The following RALYL variants were observed in gnomAD, a reference collection of about 807,000 sequenced individuals.
RALYL encodes the protein RNA-binding Raly-like protein.
Under a neutral mutation model 35.1 loss-of-function variants are expected in RALYL, and 29 were observed. The observed-to-expected ratio is 0.83, with a 90% CI of 0.61 to 1.13. The LOEUF (loss-of-function observed/expected upper bound fraction) is 1.13. Among genes scored for constraint, RALYL ranks in the 50% most tolerant of loss-of-function variants. RALYL has a pLI of 0.00. For synonymous variants in RALYL, 120 were observed against 127.6 expected (o/e 0.94, Z 0.40); for missense variants, 359 against 360.4 (o/e 1.00, Z 0.03).
intron 2 of RALYL, among the ~76,000 whole-genome samples, chr8:84,704,686 C>A (rs1317529991): frequency 3.9e-5 from 6 of 152,118 alleles, no homozygotes; most frequent in Non-Finnish European, 1.5e-5. Context: ...CCATAGGGGT[C>A]TTTGACAAAC....
intron 4 of RALYL, among the ~76,000 whole-genome samples, chr8:84,841,397 C>A (rs1408127951): frequency 1.3e-5 from 2 of 152,154 alleles, no homozygotes; most frequent in Non-Finnish European, 2.9e-5. Flanking sequence ...GTAAAGGGAT[C>A]AATTCAACAA....
At chr8:84,435,328 C>A (rs552032056) in intron 1 of RALYL, among the ~76,000 whole-genome samples, 3 of 152,218 alleles carry the variant, frequency 2.0e-5, no homozygotes, top group African/African-American at 7.2e-5. Flanking sequence ...ATAGACATAA[C>A]ATAACATTAT....
Position 84,722,283 on chromosome 8 carries a change from T to A in RALYL, c.257-52296T>A, listed in dbSNP as rs571463071. On this transcript the variant is annotated intron_variant, in intron 2 of 8. Transcript: ENST00000521268. ...ATTTTATATTCTGGACTTGGTAATTTAAAAAAAAAGATAAAATTGTTAAAA... is the reference window on the plus strand; with the variant it reads ...ATTTTATATTCTGGACTTGGTAATTAAAAAAAAAAGATAAAATTGTTAAAA... Among the ~76,000 whole-genome samples the A allele has an allele frequency of 4.0e-3, 610 of 151,066 alleles. 4 individuals carry two copies. Among genetic ancestry groups the A allele is most frequent in the Non-Finnish European group, 4.5e-3 (305 of 67,720 alleles).
At chr8:84,822,115 A>G (rs1165009701) in intron 4 of RALYL, among the ~76,000 whole-genome samples, 2 of 152,192 alleles carry the variant, frequency 1.3e-5, no homozygotes, top group Non-Finnish European at 2.9e-5. Flanking sequence ...TCTTCCAGAT[A>G]CTGGCTAAAT....
At chr8:84,874,731 C>T (rs1389753659) in intron 7 of RALYL, among the ~76,000 whole-genome samples, 1 of 152,190 alleles carries the variant, frequency 6.6e-6, no homozygotes, top group Non-Finnish European at 1.5e-5. Flanking sequence ...TGGTTCAAAT[C>T]GCTGTATACC....
At chr8:84,465,992 TG>T (rs2051560666) in intron 1 of RALYL, among the ~76,000 whole-genome samples, 1 of 43,862 alleles carries the variant, frequency 2.3e-5, no homozygotes, top group Non-Finnish European at 4.4e-5. Context: ...ACATTGATTT[TG>T]TATCCTGAGA....
chr8:84,733,649 T>C (rs1056410994), intron 2 of RALYL, among the ~76,000 whole-genome samples: 1 of 152,184 alleles, frequency 6.6e-6, no homozygotes, highest in Non-Finnish European at 1.5e-5. Context: ...CCAGAAAATT[T>C]GAATCCCTCC....
chr8:84,261,529 C>T (rs906364699), intron 1 of RALYL, among the ~76,000 whole-genome samples: 1 of 152,144 alleles, frequency 6.6e-6, no homozygotes, highest in Non-Finnish European at 1.5e-5. Flanking sequence ...CTAAGGCCTC[C>T]CCAGCCCTGC....
At chr8:84,841,652 C>G (rs1199969468) in intron 4 of RALYL, among the ~76,000 whole-genome samples, 1 of 152,190 alleles carries the variant, frequency 6.6e-6, no homozygotes, top group Non-Finnish European at 1.5e-5. Flanking sequence ...TACCCCAAAT[C>G]AACAGAATAT....
At chr8:84,842,078 A>G (rs1833524325) in intron 4 of RALYL, among the ~76,000 whole-genome samples, 1 of 152,240 alleles carries the variant, frequency 6.6e-6, no homozygotes, top group Non-Finnish European at 1.5e-5. Flanking sequence ...AAGAGCAAAC[A>G]CATTCAAAAG....
At chr8:84,449,773 T>C (rs2049250685) in intron 1 of RALYL, among the ~76,000 whole-genome samples, 1 of 152,076 alleles carries the variant, frequency 6.6e-6, no homozygotes, top group South Asian at 2.1e-4. Context: ...ATTGTATTCC[T>C]CTCATCTAAT....
At chr8:84,362,355 A>G (rs1045191601) in intron 1 of RALYL, among the ~76,000 whole-genome samples, 1 of 152,118 alleles carries the variant, frequency 6.6e-6, no homozygotes, top group African/African-American at 2.4e-5. Context: ...TGAGTTGGGC[A>G]ATTTTTCTTA....
At chr8:84,518,265 C>G (rs942025535) in intron 1 of RALYL, among the ~76,000 whole-genome samples, 1 of 152,114 alleles carries the variant, frequency 6.6e-6, no homozygotes, top group Non-Finnish European at 1.5e-5. Flanking sequence ...AGAGAAAAAG[C>G]ATCCATAATT....
intron 1 of RALYL, among the ~76,000 whole-genome samples, chr8:84,293,130 A>G (rs115979756): frequency 1.4e-3 from 208 of 152,294 alleles, no homozygotes; most frequent in African/African-American, 4.6e-3. Context: ...AGGAACTACT[A>G]CTAAGTTTAA....
chr8:84,261,998 T>G (rs898446499), intron 1 of RALYL, among the ~76,000 whole-genome samples: 1 of 152,152 alleles, frequency 6.6e-6, no homozygotes, highest in African/African-American at 2.4e-5. Context: ...TCATCACTTA[T>G]TAAACTCAAA....
intron 2 of RALYL, among the ~76,000 whole-genome samples, chr8:84,588,932 C>T (rs538588696): frequency 5.5e-4 from 84 of 151,726 alleles, no homozygotes; most frequent in Non-Finnish European, 1.1e-3. Flanking sequence ...GAGTTTCGCT[C>T]TTGTTGCCCA....
chr8:84,676,310 A>C (rs1201829981), intron 2 of RALYL, among the ~76,000 whole-genome samples: 16 of 152,200 alleles, frequency 1.1e-4, no homozygotes, highest in Admixed American at 1.0e-3. Flanking sequence ...CTTTCTCCAA[A>C]TAGTCCCTGA....
chr8:84,771,313 G>A (rs945625784), intron 2 of RALYL, among the ~76,000 whole-genome samples: 3 of 151,878 alleles, frequency 2.0e-5, no homozygotes, highest in Non-Finnish European at 4.4e-5. Flanking sequence ...AAAATACAAT[G>A]GGTATTTGTG....
At chr8:84,438,726 T>C (rs1257558672) in intron 1 of RALYL, among the ~76,000 whole-genome samples, 1 of 152,080 alleles carries the variant, frequency 6.6e-6, no homozygotes, top group Non-Finnish European at 1.5e-5. Flanking sequence ...GTCTTATATT[T>C]AAATATTTAA....
Sources: gnomAD v4.1 joint callset for allele counts (sites outside exome capture counted in the v4.1 genomes callset) on GRCh38, gnomAD v4.1.1 for gene constraint, MANE v1.5 for transcripts, NCBI Gene and HGNC (gene_info 2026-07-23, HGNC 2026-07-21) for gene names.